The following TUSC3 variants were observed in gnomAD, a reference collection of about 807,000 sequenced individuals.
TUSC3 encodes the protein dolichyl-diphosphooligosaccharide--protein glycosyltransferase subunit TUSC3.
In TUSC3, 45 loss-of-function variants were observed where a neutral mutation model predicts 44.8. The observed-to-expected ratio is 1.00, with a 90% confidence interval of 0.79 to 1.29. TUSC3 has a LOEUF of 1.29. TUSC3 is among the 50% of genes most tolerant of loss of function. The probability of loss-of-function intolerance (pLI) is 0.00; values close to 1 mark genes in which losing one functional copy is unlikely to be tolerated. For missense variants in TUSC3, 519 were observed against 437.9 expected (o/e 1.19, Z -1.65); for synonymous variants, 212 against 152.9 (o/e 1.39, Z -2.85).
At position 15,593,120 on chromosome 8, in the gene TUSC3, C is replaced by G. The variant is rs550824921; in HGVS notation, c.139-29960C>G. Among the ~76,000 whole-genome samples the G allele has an allele frequency of 2.6e-5, 4 of 152,232 alleles. No homozygotes were observed. The South Asian group carries it at 8.3e-4, about 32-fold the overall frequency. On this transcript the variant is annotated intron_variant, in intron 1 of 10. Coordinates refer to ENST00000503731, the MANE Select transcript of TUSC3 (RefSeq NM_006765.4). ...TTTTTTTTTGAGACGGAGTCTCACT[C>G]TGTTGCCCAGGGTGGAGTGCAGTGG...
At chr8:15,499,437 C>T (rs1448373216) in intron 2 of TUSC3, among the ~76,000 whole-genome samples, 1 of 152,144 alleles carries the variant, frequency 6.6e-6, no homozygotes, top group Non-Finnish European at 1.5e-5. Flanking sequence ...CACTCCACGC[C>T]TCTGACCTCA....
chr8:15,440,014 C>T (rs999417858), intron 1 of TUSC3, among the ~76,000 whole-genome samples: 1 of 152,198 alleles, frequency 6.6e-6, no homozygotes, highest in Non-Finnish European at 1.5e-5. Context: ...TAAGTAAAGG[C>T]AAACCTGGCC....
intron 1 of TUSC3, among the ~76,000 whole-genome samples, chr8:15,441,031 T>G (rs887899170): frequency 5.3e-5 from 8 of 152,246 alleles, no homozygotes; most frequent in African/African-American, 7.2e-5. Context: ...TTCTCCATTT[T>G]TGTTTAAGCT....
intron 5 of TUSC3, among the ~76,000 whole-genome samples, chr8:15,668,172 A>G (rs140349665): frequency 6.6e-6 from 1 of 151,904 alleles, no homozygotes; most frequent in East Asian, 1.9e-4. Context: ...GCATGTAGAA[A>G]GTGTTTAGTA....
At chr8:15,545,655 C>T (rs1801838893) in intron 1 of TUSC3, among the ~76,000 whole-genome samples, 1 of 151,768 alleles carries the variant, frequency 6.6e-6, no homozygotes, top group Middle Eastern at 3.4e-3. Context: ...TCCACATGCA[C>T]CACCAGCATG....
intron 6 of TUSC3, among the ~76,000 whole-genome samples, chr8:15,709,654 A>G (rs1004277746): frequency 1.3e-5 from 2 of 151,858 alleles, no homozygotes; most frequent in Non-Finnish European, 2.9e-5. Flanking sequence ...AATTACCTTT[A>G]ATGTGTTAGG....
intron 1 of TUSC3, among the ~76,000 whole-genome samples, chr8:15,481,247 CA>C (rs57956608): frequency 0.37 from 30,980 of 83,130 alleles, 3,116 homozygotes; most frequent in East Asian, 0.5. Flanking sequence ...AACTCCATCT[CA>C]AAAAAAAAAA....
At chr8:15,438,854 C>G (rs920546133) in intron 1 of TUSC3, among the ~76,000 whole-genome samples, 2 of 152,138 alleles carry the variant, frequency 1.3e-5, no homozygotes, top group Admixed American at 1.3e-4. Context: ...ATGCAGAGCC[C>G]TGGTGGGAAA....
intron 7 of TUSC3, among the ~76,000 whole-genome samples, chr8:15,740,767 A>G (rs1252902302): frequency 1.3e-5 from 2 of 152,180 alleles, no homozygotes; most frequent in Non-Finnish European, 2.9e-5. Context: ...CCTCTCAAAA[A>G]TTCCACTTAT....
intron 6 of TUSC3, among the ~76,000 whole-genome samples, chr8:15,725,295 C>T (rs1435034253): frequency 6.6e-6 from 1 of 152,108 alleles, no homozygotes; most frequent in Non-Finnish European, 1.5e-5. Flanking sequence ...CAACTTTTTG[C>T]ACTCTGCTTA....
the TUSC3 span, among the ~76,000 whole-genome samples, chr8:15,820,368 G>C: frequency 7.0e-6 from 1 of 142,616 alleles, no homozygotes; most frequent in Non-Finnish European, 1.5e-5. Flanking sequence ...CTGGAGTGCA[G>C]TGGCGCGATC....
chr8:15,661,707 T>G (rs1051655139), intron 4 of TUSC3, among the ~76,000 whole-genome samples: 6 of 151,984 alleles, frequency 3.9e-5, no homozygotes, highest in African/African-American at 1.4e-4. Flanking sequence ...ACTACAGTCT[T>G]CGTGTTTTAA....
At chr8:15,840,848 C>T in the TUSC3 span, among the ~76,000 whole-genome samples, 1 of 152,036 alleles carries the variant, frequency 6.6e-6, no homozygotes, top group African/African-American at 2.4e-5. Context: ...AGTCCCTAAG[C>T]CTAAGTTAAT....
intron 2 of TUSC3, among the ~76,000 whole-genome samples, chr8:15,495,312 C>G (rs1398925687): frequency 9.2e-5 from 14 of 152,088 alleles, no homozygotes; most frequent in Non-Finnish European, 1.5e-5. Context: ...CTTTGTCTCC[C>G]CAAATGTGAT....
At chr8:15,809,900 T>A in the TUSC3 span, among the ~76,000 whole-genome samples, 5 of 152,348 alleles carry the variant, frequency 3.3e-5, no homozygotes, top group South Asian at 4.1e-4. Context: ...AAAATCCTAA[T>A]GCTTTTCAAA....
chr8:15,697,317 C>T (rs1307128588), intron 6 of TUSC3, among the ~76,000 whole-genome samples: 1 of 152,024 alleles, frequency 6.6e-6, no homozygotes, highest in Non-Finnish European at 1.5e-5. Flanking sequence ...CTTTCTTCTG[C>T]TGAGTTTGGG....
chr8:15,455,835 A>G lies in TUSC3; in HGVS notation n.92-27551A>G, dbSNP rs568031663. On this transcript the variant is annotated intron_variant and non_coding_transcript_variant, in intron 1 of 5. Transcript: ENST00000503191. ...CCTTCCCCAAAACTCAGCCATTTTC[A>G]TAAAGCTAATGAGAGACCACCAGGC... Among the ~76,000 whole-genome samples, 23 of 152,346 alleles carry G rather than the reference A, an allele frequency of 1.5e-4. 1 individual carries two copies. The highest frequency in any genetic ancestry group is 5.3e-4 in the African/African-American group (22 of 41,578).
the TUSC3 span, among the ~76,000 whole-genome samples, chr8:15,797,839 C>A: frequency 2.0e-5 from 3 of 152,170 alleles, no homozygotes; most frequent in Admixed American, 1.3e-4. Context: ...ACATCCGCAA[C>A]GGCTGACGTG....
At chr8:15,593,535 T>G (rs373885893) in intron 1 of TUSC3, among the ~76,000 whole-genome samples, 1 of 152,162 alleles carries the variant, frequency 6.6e-6, no homozygotes, top group East Asian at 1.9e-4. Context: ...ACATTCTGAG[T>G]TCATTGTTAT....
Sources: allele counts gnomAD v4.1 joint callset (sites outside exome capture counted in the v4.1 genomes callset), GRCh38; gene constraint gnomAD v4.1.1; transcripts MANE v1.5; gene names NCBI Gene and HGNC (gene_info 2026-07-23, HGNC 2026-07-21).